SYNJ1: variants seen among roughly 807,000 people sequenced by gnomAD.
The protein encoded by SYNJ1 is synaptojanin 1.
In SYNJ1, 78 loss-of-function variants were observed where a neutral mutation model predicts 168.2. The observed-to-expected ratio is 0.46, with a 90% CI of 0.39 to 0.56. The LOEUF (loss-of-function observed/expected upper bound fraction) is 0.56, where lower values mean the gene tolerates loss of function less well. SYNJ1 is among the 20% of genes least tolerant of loss of function. The pLI is 0.00. For missense variants in SYNJ1, 1,303 were observed against 1,597.6 expected, an observed-to-expected ratio of 0.82 and a Z score of 3.14; for synonymous variants, 539 against 548.6, an observed-to-expected ratio of 0.98 and a Z score of 0.24.
At chr21:32,647,201 C>T (rs972320838) in intron 23 of SYNJ1, among the ~76,000 whole-genome samples, 1 of 152,216 alleles carries the variant, frequency 6.6e-6, no homozygotes, top group Admixed American at 6.5e-5. Flanking sequence ...TCTTCCAACC[C>T]TGAACAAAAA....
At chr21:32,714,338 G>T (rs2042946231) in intron 2 of SYNJ1, among the ~76,000 whole-genome samples, 1 of 152,140 alleles carries the variant, frequency 6.6e-6, no homozygotes, top group South Asian at 2.1e-4. Context: ...AAGAGTATTA[G>T]GCAGGGGATT....
chr21:32,653,317 A>C lies in SYNJ1; in HGVS notation c.2845T>G (p.Leu949Val). 3 of 1,614,000 alleles carry C rather than the reference A, an allele frequency of 1.9e-6. No homozygotes were observed. Among genetic ancestry groups the C allele is most frequent in the Non-Finnish European group, 2.5e-6 (3 of 1,179,900 alleles). ...TTACCATTTAGGCTCAGAACATTCA[A>C]GGCAGAGCTTCCCTCCAAAAATGTA... Reference protein sequence around the residue: ...WVTFLEGSSALNVLSLNGKEL... With the variant: ...WVTFLEGSSAVNVLSLNGKEL... The change falls in exon 22 of 33, where the codon TTG becomes GTG. Residue 949 changes from leucine to valine, a missense_variant. By Grantham distance (32) the Leu-to-Val change is conservative. This residue lies in a region of SYNJ1 where 920 missense variants were observed against 1,208.8 expected (regional missense o/e 0.76). Coordinates refer to ENST00000674351, the MANE Select transcript of SYNJ1 (RefSeq NM_203446.3).
chr21:32,724,738 A>T lies in SYNJ1; in HGVS notation c.124+2034T>A, dbSNP rs532447456. ...AAAATGAAGGCCAAATTAATTTTAA[A>T]AGTCAAATGACTTAAGAAGGTTTGT... On this transcript the variant is annotated intron_variant, in intron 2 of 32. Transcript: ENST00000674351. 6.6e-5 allele frequency among the ~76,000 whole-genome samples: 10 copies of T among 150,448 alleles called. No individual in the cohort carries two copies. The East Asian group carries it at 1.8e-3, about 26-fold the overall frequency.
Position 32,645,733 on chromosome 21 carries a change from G to A in SYNJ1, c.3304C>T (p.Pro1102Ser), listed in dbSNP as rs1368672974. ...GGCGGCGGCCGCTTGGGCTCCAAGG[G>A]CTGGGCGGGGTCTTTCTGCGGCAGC... is the stretch of plus-strand genomic sequence containing the variant. ...TPLPQKDPAQ[P>S]LEPKRPPPPR... The change falls in exon 25 of 33, where the codon CCC becomes TCC. Residue 1102 changes from proline (P) to serine (S), a missense_variant. Physicochemically the swap from Pro to Ser is moderately conservative, Grantham distance 74. Coordinates refer to ENST00000674351, the MANE Select transcript of SYNJ1 (RefSeq NM_203446.3). 1.4e-6 allele frequency: 2 copies of A among 1,468,586 alleles called. No homozygotes were observed. Among genetic ancestry groups the A allele is most frequent in the African/African-American group, 2.9e-5 (2 of 70,012 alleles). The allele number at this position is 1,468,586 out of a possible 1,614,324, so 91.0% of individuals were successfully genotyped here. A position where few individuals can be genotyped will look rare whatever the true frequency, so the allele number is the denominator to read the frequency against.
At chr21:32,683,535 G>C (rs1218163290) in intron 10 of SYNJ1, among the ~76,000 whole-genome samples, 1 of 151,420 alleles carries the variant, frequency 6.6e-6, no homozygotes, top group Non-Finnish European at 1.5e-5. Context: ...ACTAACTATG[G>C]CATTTTCATC....
chr21:32,714,192 A>G (rs2042940993), intron 2 of SYNJ1, among the ~76,000 whole-genome samples: 1 of 152,206 alleles, frequency 6.6e-6, no homozygotes, highest in African/African-American at 2.4e-5. Context: ...TACATTCAGA[A>G]CTGAAAGGCG....
At chr21:32,719,792 T>C (rs766924414) in intron 2 of SYNJ1, among the ~76,000 whole-genome samples, 16 of 151,234 alleles carry the variant, frequency 1.1e-4, no homozygotes, top group Non-Finnish European at 1.9e-4. Flanking sequence ...CATTAGTAAA[T>C]TGTGGTTACT....
chr21:32,727,135 G>A (rs2043493520), intron 1 of SYNJ1, among the ~76,000 whole-genome samples: 2 of 152,236 alleles, frequency 1.3e-5, no homozygotes, highest in South Asian at 4.1e-4. Context: ...TCATACCAAG[G>A]CAAGACAAGG....
chr21:32,707,408 T>C (rs2042653555), intron 2 of SYNJ1, among the ~76,000 whole-genome samples: 1 of 149,044 alleles, frequency 6.7e-6, no homozygotes, highest in East Asian at 2.1e-4. Context: ...TGCCTCAGCC[T>C]CCTTCCTGAG....
chr21:32,727,910 C>T (rs1334306917), intron 1 of SYNJ1, 36 bp downstream of exon 1: 1 of 1,531,354 alleles, frequency 6.5e-7, no homozygotes, highest in Non-Finnish European at 8.7e-7. Context: ...GTGGGTCTGG[C>T]CGCAGCAGCT....
At position 32,646,517 on chromosome 21, in the gene SYNJ1, G is replaced by A. The variant is rs746723390; in HGVS notation, c.3123C>T (p.Ser1041=). 3.1e-6 allele frequency: 5 copies of A among 1,614,006 alleles called. No homozygotes were observed. In the South Asian group the frequency reaches 4.4e-5, roughly 14 times the overall value. Reference sequence around the variant, plus strand: ...GACTAGTTCGGGGTGAAGAGCTGGGGGAAGTACCAAGGCCGGAACTTGAAG... The same window carrying A: ...GACTAGTTCGGGGTGAAGAGCTGGGAGAAGTACCAAGGCCGGAACTTGAAG... ...QPSSSSGLGT[S]PSSSPRTSPC... The change falls in exon 24 of 33, where the codon TCC becomes TCT. Residue 1041 remains serine, a synonymous_variant. Transcript: ENST00000674351.
intron 21 of SYNJ1, among the ~76,000 whole-genome samples, chr21:32,656,094 T>C (rs1448914386): frequency 1.3e-5 from 2 of 152,244 alleles, no homozygotes; most frequent in African/African-American, 4.8e-5. Context: ...TGAGAGTTCA[T>C]ATCTGAACTT....
intron 2 of SYNJ1, among the ~76,000 whole-genome samples, chr21:32,709,046 C>T (rs1056297865): frequency 3.3e-5 from 5 of 152,172 alleles, no homozygotes; most frequent in South Asian, 2.1e-4. Context: ...TAACAATTAA[C>T]AAGATTCATT....
intron 3 of SYNJ1, among the ~76,000 whole-genome samples, chr21:32,700,961 T>C (rs752785934): frequency 3.9e-5 from 6 of 152,192 alleles, no homozygotes; most frequent in Non-Finnish European, 8.8e-5. Context: ...GAAATTAGTA[T>C]AAAGTTGAAA....
chr21:32,635,222 T>C (rs779451652), intron 31 of SYNJ1, among the ~76,000 whole-genome samples: 1 of 152,188 alleles, frequency 6.6e-6, no homozygotes, highest in Non-Finnish European at 1.5e-5. Flanking sequence ...CCCTCCCAAA[T>C]TCATATGTTG....
chr21:32,668,361 C>T (rs917621594), intron 15 of SYNJ1, among the ~76,000 whole-genome samples: 2 of 152,136 alleles, frequency 1.3e-5, no homozygotes, highest in Non-Finnish European at 1.5e-5. Flanking sequence ...AGCCACCACA[C>T]CCAGCCTAAA....
At chr21:32,698,768 C>A (rs1478127197) in intron 4 of SYNJ1, among the ~76,000 whole-genome samples, 1 of 152,106 alleles carries the variant, frequency 6.6e-6, no homozygotes, top group East Asian at 1.9e-4. Flanking sequence ...GATTTTGTCC[C>A]AGTATACTAC....
At chr21:32,728,041 T>C, upstream of SYNJ1, 1 of 1,530,774 alleles carries the variant, frequency 6.5e-7, no homozygotes, top group South Asian at 1.2e-5. Flanking sequence ...TCTTCCGCAT[T>C]GCGCCGCGGC....
intron 31 of SYNJ1, among the ~76,000 whole-genome samples, chr21:32,637,097 C>T (rs1033455691): frequency 3.9e-5 from 6 of 152,104 alleles, no homozygotes; most frequent in Admixed American, 6.5e-5. Flanking sequence ...TTTGCACCTC[C>T]GGAAGTTTTT....
Sources: gnomAD v4.1 joint callset for allele counts (sites outside exome capture counted in the v4.1 genomes callset) on GRCh38, gnomAD v4.1.1 for gene constraint, gnomAD v4.1.1 regional missense constraint, MANE v1.5 for transcripts, NCBI Gene and HGNC (gene_info 2026-07-23, HGNC 2026-07-21) for gene names.